The following CPQ variants were observed in gnomAD, a reference collection of about 807,000 sequenced individuals.
The protein encoded by CPQ is Ser-Met dipeptidase.
CPQ carries 37 observed loss-of-function variants against 45.7 expected under a neutral mutation model. That is an observed-to-expected ratio of 0.81 (90% CI 0.62 to 1.07). The LOEUF (loss-of-function observed/expected upper bound fraction) is 1.07, where lower values mean the gene tolerates loss of function less well. CPQ is among the 50% of genes least tolerant of loss of function. The probability of loss-of-function intolerance (pLI) is 0.00; values close to 1 mark genes in which losing one functional copy is unlikely to be tolerated. For missense variants in CPQ, 537 were observed against 572.9 expected (o/e 0.94, Z 0.64); for synonymous variants, 186 against 205.8 (o/e 0.90, Z 0.82).
intron 7 of CPQ, among the ~76,000 whole-genome samples, chr8:97,071,171 G>C (rs2130537318): frequency 6.6e-6 from 1 of 152,248 alleles, no homozygotes; most frequent in African/African-American, 2.4e-5. Context: ...TAGAGGACTT[G>C]AGTGTATATT....
chr8:96,842,398 A>G (rs2130854050), intron 3 of CPQ, among the ~76,000 whole-genome samples: 1 of 152,278 alleles, frequency 6.6e-6, no homozygotes, highest in Non-Finnish European at 1.5e-5. Flanking sequence ...GGACTCAAAA[A>G]CTGTACAAGT....
At chr8:96,829,366 G>A (rs1477183317) in intron 2 of CPQ, among the ~76,000 whole-genome samples, 2 of 152,064 alleles carry the variant, frequency 1.3e-5, no homozygotes, top group South Asian at 4.1e-4. Context: ...GTTGCACTTT[G>A]CCCCTTGTTC....
At chr8:96,840,163 A>G (rs1811587893) in intron 3 of CPQ, among the ~76,000 whole-genome samples, 1 of 152,176 alleles carries the variant, frequency 6.6e-6, no homozygotes, top group Non-Finnish European at 1.5e-5. Context: ...GACCAAGAGA[A>G]AGGAGGTGGA....
intron 3 of CPQ, among the ~76,000 whole-genome samples, chr8:96,851,862 G>A (rs1382007007): frequency 6.6e-6 from 1 of 152,178 alleles, no homozygotes; most frequent in Non-Finnish European, 1.5e-5. Flanking sequence ...ATTCCTGTGA[G>A]GCCCATTTGT....
intron 3 of CPQ, among the ~76,000 whole-genome samples, chr8:96,868,394 A>C (rs192293170): frequency 2.0e-5 from 3 of 152,070 alleles, no homozygotes; most frequent in Admixed American, 2.0e-4. Context: ...GCAGGTCATC[A>C]TATACACTTT....
At chr8:96,695,691 T>G (rs1368373387) in intron 1 of CPQ, among the ~76,000 whole-genome samples, 1 of 151,614 alleles carries the variant, frequency 6.6e-6, no homozygotes, top group Non-Finnish European at 1.5e-5. Flanking sequence ...CATGAAAAAA[T>G]GCTCATCATC....
At chr8:96,678,804 G>C (rs1366890802) in intron 1 of CPQ, among the ~76,000 whole-genome samples, 2 of 66,500 alleles carry the variant, frequency 3.0e-5, no homozygotes, top group African/African-American at 1.1e-4. Context: ...TTCCTGTTAT[G>C]TTCTGGATAT....
intron 4 of CPQ, among the ~76,000 whole-genome samples, chr8:96,920,070 G>A (rs986555857): frequency 3.3e-5 from 5 of 152,154 alleles, no homozygotes; most frequent in African/African-American, 9.7e-5. Context: ...CATAATGCCT[G>A]GTATGTGGTA....
chr8:96,864,599 T>G (rs1811972602), intron 3 of CPQ, among the ~76,000 whole-genome samples: 1 of 122,552 alleles, frequency 8.2e-6, no homozygotes, highest in South Asian at 3.2e-4. Flanking sequence ...TGCAAGATTA[T>G]AGGAAACCCA....
At chr8:96,660,119 C>G (rs1368500408) in intron 1 of CPQ, among the ~76,000 whole-genome samples, 1 of 152,166 alleles carries the variant, frequency 6.6e-6, no homozygotes, top group East Asian at 1.9e-4. Flanking sequence ...ACAACAAAAT[C>G]CTGCAGACTG....
chr8:97,137,277 G>A lies in CPQ; in HGVS notation c.1256-5743G>A, dbSNP rs1401631776. On this transcript the variant is annotated intron_variant, in intron 7 of 7. Coordinates refer to ENST00000220763, the MANE Select transcript of CPQ (RefSeq NM_016134.4). ...TCTTTTTTAAATATGGAATTTGGAGGCTTTGTCTGTCGACCACCATGCCGT... is the reference window on the plus strand; with the variant it reads ...TCTTTTTTAAATATGGAATTTGGAGACTTTGTCTGTCGACCACCATGCCGT... Among the ~76,000 whole-genome samples the A allele has an allele frequency of 2.0e-5, 3 of 152,126 alleles. No homozygotes were observed. In the East Asian group the frequency reaches 5.8e-4, roughly 29 times the overall value.
chr8:97,035,958 C>T (rs528463602), intron 6 of CPQ, among the ~76,000 whole-genome samples: 1 of 152,270 alleles, frequency 6.6e-6, no homozygotes, highest in Non-Finnish European at 1.5e-5. Flanking sequence ...CCGCCCACCA[C>T]GGCCTCCCAA....
chr8:96,686,082 C>A (rs1167356761), intron 1 of CPQ, among the ~76,000 whole-genome samples: 1 of 152,024 alleles, frequency 6.6e-6, no homozygotes, highest in African/African-American at 2.4e-5. Flanking sequence ...TAACTGAATT[C>A]TGTCATTATT....
intron 5 of CPQ, among the ~76,000 whole-genome samples, chr8:97,007,333 A>G (rs1393448335): frequency 1.6e-4 from 25 of 152,202 alleles, no homozygotes. Context: ...GTGTCCTCCC[A>G]CGATGCCCCT....
chr8:96,871,722 G>T (rs74550300), intron 3 of CPQ, among the ~76,000 whole-genome samples: 5,975 of 151,648 alleles, frequency 0.039, 195 homozygotes, highest in African/African-American at 0.081. Context: ...TATCCTGTGT[G>T]TACTGTGTTC....
intron 1 of CPQ, among the ~76,000 whole-genome samples, chr8:96,782,036 C>A (rs947249880): frequency 6.6e-6 from 1 of 152,124 alleles, no homozygotes; most frequent in African/African-American, 2.4e-5. Context: ...TTTGCTGGAA[C>A]GTTGGAGTCT....
At chr8:96,794,250 G>T (rs967719652) in intron 2 of CPQ, among the ~76,000 whole-genome samples, 1 of 152,190 alleles carries the variant, frequency 6.6e-6, no homozygotes, top group African/African-American at 2.4e-5. Flanking sequence ...AAATCTAGGT[G>T]GAGGTTCCCA....
At chr8:96,928,999 A>C (rs1369995909) in intron 4 of CPQ, among the ~76,000 whole-genome samples, 1 of 152,172 alleles carries the variant, frequency 6.6e-6, no homozygotes, top group Non-Finnish European at 1.5e-5. Flanking sequence ...AAAAAATTAT[A>C]ATTTATTCCC....
At chr8:97,006,089 A>C (rs1381169662) in intron 5 of CPQ, among the ~76,000 whole-genome samples, 3 of 152,172 alleles carry the variant, frequency 2.0e-5, no homozygotes, top group Non-Finnish European at 4.4e-5. Flanking sequence ...GAGACCATAC[A>C]GTTTCAGCCA....
Sources: allele counts gnomAD v4.1 joint callset (sites outside exome capture counted in the v4.1 genomes callset), GRCh38; gene constraint gnomAD v4.1.1; transcripts MANE v1.5; gene names NCBI Gene and HGNC (gene_info 2026-07-23, HGNC 2026-07-21).